The following LSM2 variants were observed in gnomAD, a reference collection of about 807,000 sequenced individuals.
LSM2 encodes U6 snRNA-associated Sm-like protein LSm2.
In LSM2, 12 loss-of-function variants were observed where a neutral mutation model predicts 17.0. That is an observed-to-expected ratio of 0.70 (90% confidence interval 0.45 to 1.14). The LOEUF (loss-of-function observed/expected upper bound fraction) is 1.14. Among genes scored for constraint, LSM2 ranks in the 50% most tolerant of loss-of-function variants. The pLI is 0.00. For synonymous variants in LSM2, 42 were observed against 44.5 expected (o/e 0.94, Z 0.22); for missense variants, 62 against 111.8 (o/e 0.55, Z 2.01).
At chr6:31,801,053 C>G (rs1226547653) in intron 2 of LSM2, among the ~76,000 whole-genome samples, 1 of 151,216 alleles carries the variant, frequency 6.6e-6, no homozygotes, top group Non-Finnish European at 1.5e-5. Flanking sequence ...TGCCTGTAGT[C>G]CCAGGTATAC....
chr6:31,806,274 A>G (rs1815030586), intron 1 of LSM2, 132 bp from the exon 2 acceptor site: 1 of 851,570 alleles, frequency 1.2e-6, no homozygotes. Flanking sequence ...ATTTCACAGG[A>G]AAGAATAATT....
rs368088325 is a variant in LSM2 at position 31,797,894 on chromosome 6, T to C, written c.163-12A>G. The C allele has an allele frequency of 2.0e-5, 33 of 1,612,852 alleles. No homozygotes were observed. The highest frequency in any genetic ancestry group is 2.8e-5 in the Non-Finnish European group (33 of 1,180,022). ...TTCTTCACTGATAACTAGACAAAGATGGACAAATATGAAAACACCCTTAAA... is the reference window on the plus strand; with the variant it reads ...TTCTTCACTGATAACTAGACAAAGACGGACAAATATGAAAACACCCTTAAA... On this transcript the variant is annotated splice_polypyrimidine_tract_variant and intron_variant, in intron 4 of 4. Transcript: ENST00000375661.
intron 2 of LSM2, among the ~76,000 whole-genome samples, chr6:31,802,348 G>C (rs1051725750): frequency 2.6e-5 from 4 of 152,122 alleles, no homozygotes; most frequent in African/African-American, 9.7e-5. Flanking sequence ...TGTAATCACA[G>C]TACTTTGGGA....
At chr6:31,806,423 T>C in intron 1 of LSM2, 1 of 600,478 alleles carries the variant, frequency 1.7e-6, no homozygotes. Flanking sequence ...CTTTCTCGGG[T>C]ACCTGCCCAC....
Position 31,797,799 on chromosome 6 carries a change from T to A in LSM2, c.246A>T (p.Leu82=). 6.2e-7 allele frequency: 1 copy of A among 1,613,066 alleles called. No homozygotes were observed. The highest frequency in any genetic ancestry group is 8.5e-7 in the Non-Finnish European group (1 of 1,180,024). ...GGGCTTCCTTCCTTGCCGCATCCTG[T>A]AGCAACTGTGTGTCGACCTCATCTG... ...LPADEVDTQL[L]QDAARKEALQ... The change falls in exon 5 of 5, where the codon CTA becomes CTT. Residue 82 remains leucine, a synonymous_variant. Transcript: ENST00000375661.
In LSM2 at chr6:31,805,733, G is replaced by A. The variant is rs1482034852; in HGVS notation, c.71+342C>T. ...TGCTTTGTATTGTTTTCCAATACACGATACAATCTCTAAGCTTATCTGTAA... is the reference window on the plus strand; with the variant it reads ...TGCTTTGTATTGTTTTCCAATACACAATACAATCTCTAAGCTTATCTGTAA... On this transcript the variant is annotated intron_variant, in intron 2 of 4. Coordinates refer to ENST00000375661, the MANE Select transcript of LSM2 (RefSeq NM_021177.5). 5.3e-5 allele frequency among the ~76,000 whole-genome samples: 8 copies of A among 152,052 alleles called. No homozygotes were observed. The South Asian group carries it at 1.4e-3, about 28-fold the overall frequency.
chr6:31,797,964 C>G, intron 4 of LSM2, 26 bp downstream of exon 4: 1 of 1,609,798 alleles, frequency 6.2e-7, no homozygotes, highest in African/African-American at 1.3e-5. Flanking sequence ...AGAGGTGTTT[C>G]CTCTTCTCCA....
At chr6:31,800,016 C>A (rs1279142380) in intron 2 of LSM2, among the ~76,000 whole-genome samples, 1 of 152,148 alleles carries the variant, frequency 6.6e-6, no homozygotes, top group East Asian at 1.9e-4. Context: ...CATAGCAAGA[C>A]CTCATCTCTA....
intron 2 of LSM2, among the ~76,000 whole-genome samples, chr6:31,802,063 C>T (rs527570664): frequency 9.9e-5 from 15 of 151,742 alleles, no homozygotes; most frequent in African/African-American, 3.4e-4. Context: ...AGGTGGATCA[C>T]GAGGTCAGGA....
Position 31,806,932 on chromosome 6 carries a change from G to C in LSM2, c.-175C>G. 3 of 790,420 alleles carry C rather than the reference G, an allele frequency of 3.8e-6. No homozygotes were observed. The highest frequency in any genetic ancestry group is 5.9e-6 in the Non-Finnish European group (3 of 511,742). The allele number at this position is 790,420 out of a possible 1,614,324, so 49.0% of individuals were successfully genotyped here. A position where few individuals can be genotyped will look rare whatever the true frequency, so the allele number is the denominator to read the frequency against. On this transcript the variant is annotated 5_prime_UTR_variant, in exon 1 of 5. Coordinates refer to ENST00000375661, the MANE Select transcript of LSM2 (RefSeq NM_021177.5). Reference sequence around the variant, plus strand: ...ACGGGCAAAGCGCGGCCGACTTGCGGCTGGGGAGCGCAAGCTGGGTAGAGT... The same window carrying C: ...ACGGGCAAAGCGCGGCCGACTTGCGCCTGGGGAGCGCAAGCTGGGTAGAGT...
intron 2 of LSM2, among the ~76,000 whole-genome samples, chr6:31,805,318 C>A (rs1814964932): frequency 6.6e-6 from 1 of 151,926 alleles, no homozygotes. Flanking sequence ...CCTCAGCCTC[C>A]CAAAGTGCTG....
chr6:31,806,524 C>T (rs1176275416), intron 1 of LSM2: 3 of 661,924 alleles, frequency 4.5e-6, no homozygotes, highest in Non-Finnish European at 8.0e-6. Flanking sequence ...TTTTCCGTCT[C>T]CCGCTATCCT....
chr6:31,801,742 G>A (rs998151094), intron 2 of LSM2, among the ~76,000 whole-genome samples: 2 of 152,054 alleles, frequency 1.3e-5, no homozygotes, highest in African/African-American at 4.8e-5. Context: ...GTTGCAGTGA[G>A]CCAAGATCGC....
intron 2 of LSM2, among the ~76,000 whole-genome samples, chr6:31,802,107 C>T (rs768521018): frequency 1.3e-5 from 2 of 151,716 alleles, no homozygotes; most frequent in East Asian, 1.9e-4. Context: ...TGGTGAAACC[C>T]GATGTCTACT....
chr6:31,806,896 T>G lies in LSM2; in HGVS notation c.-139A>C. The G allele has an allele frequency of 1.7e-6, 2 of 1,196,706 alleles. No homozygotes were observed. Among genetic ancestry groups the G allele is most frequent in the Middle Eastern group, 2.8e-4 (1 of 3,568 alleles). The allele number at this position is 1,196,706 out of a possible 1,614,324, so 74.1% of individuals were successfully genotyped here. On this transcript the variant is annotated 5_prime_UTR_variant, in exon 1 of 5. Coordinates refer to ENST00000375661, the MANE Select transcript of LSM2 (RefSeq NM_021177.5). ...CGCAGCGGGAAGCGACGCAGAAAGC[T>G]CCAAGCGCTGACGGGCAAAGCGCGG... is the stretch of plus-strand genomic sequence containing the variant.
chr6:31,806,655 C>T, intron 1 of LSM2, 100 bp downstream of exon 1: 1 of 1,462,144 alleles, frequency 6.8e-7, no homozygotes, highest in Admixed American at 1.9e-5. Context: ...AAGATAAAAA[C>T]TCCGGACCTA....
chr6:31,803,806 C>T (rs1050051052), intron 2 of LSM2, among the ~76,000 whole-genome samples: 6 of 151,984 alleles, frequency 3.9e-5, no homozygotes, highest in Admixed American at 2.0e-4. Flanking sequence ...GTCTCAAACT[C>T]GTGACCTCAG....
At chr6:31,798,778 C>A (rs533332917) in intron 2 of LSM2, among the ~76,000 whole-genome samples, 4 of 136,822 alleles carry the variant, frequency 2.9e-5, no homozygotes, top group African/African-American at 8.1e-5. Flanking sequence ...TCACTGTCAG[C>A]CAGGCTGAAG....
At chr6:31,799,238 AT>A (rs201212033) in intron 2 of LSM2, among the ~76,000 whole-genome samples, 8 of 149,442 alleles carry the variant, frequency 5.4e-5, no homozygotes, top group Admixed American at 4.0e-4. Context: ...ACCATCAGCT[AT>A]TTTTTTTTTA....
Sources: gnomAD v4.1 joint callset for allele counts (sites outside exome capture counted in the v4.1 genomes callset) on GRCh38, gnomAD v4.1.1 for gene constraint, MANE v1.5 for transcripts, NCBI Gene and HGNC (gene_info 2026-07-23, HGNC 2026-07-21) for gene names.